Variants in AFG2A observed in about 807,000 individuals in gnomAD.
AFG2A encodes the protein ATPase family gene 2 protein homolog A.
chr4:123,262,552 G>C, the AFG2A span, among the ~76,000 whole-genome samples: 1 of 152,170 alleles, frequency 6.6e-6, no homozygotes, highest in Admixed American at 6.5e-5. Context: ...CTGAATATTT[G>C]ATAAAAGTTT....
the AFG2A span, among the ~76,000 whole-genome samples, chr4:123,013,123 GGTT>G: frequency 2.6e-5 from 4 of 152,108 alleles, no homozygotes; most frequent in African/African-American, 9.7e-5. Flanking sequence ...AGTCAAAGGG[GGTT>G]GTTCTCTGGC....
the AFG2A span, among the ~76,000 whole-genome samples, chr4:123,137,546 G>A: frequency 6.6e-6 from 1 of 152,116 alleles, no homozygotes; most frequent in African/African-American, 2.4e-5. Flanking sequence ...TGGTGATCAC[G>A]TGGTCTCATT....
At chr4:123,107,713 T>G in the AFG2A span, among the ~76,000 whole-genome samples, 1 of 152,346 alleles carries the variant, frequency 6.6e-6, no homozygotes, top group African/African-American at 2.4e-5. Flanking sequence ...AAGGAGTGCC[T>G]GAAGCCCTAT....
At chr4:123,192,109 C>T in the AFG2A span, among the ~76,000 whole-genome samples, 2 of 151,896 alleles carry the variant, frequency 1.3e-5, no homozygotes, top group African/African-American at 4.8e-5. Flanking sequence ...TCACTGCAAC[C>T]TCCGCCTCCT....
chr4:122,947,422 C>A, the AFG2A span: 1 of 1,614,080 alleles, frequency 6.2e-7, no homozygotes, highest in African/African-American at 1.3e-5. Context: ...GGCTGAGCTG[C>A]TGCAGCTGGC....
the AFG2A span, among the ~76,000 whole-genome samples, chr4:123,161,188 A>T: frequency 1.3e-5 from 2 of 152,076 alleles, no homozygotes; most frequent in African/African-American, 4.8e-5. Flanking sequence ...ATTTTTTTTG[A>T]TTGATTAGAT....
chr4:123,166,191 T>C, the AFG2A span, among the ~76,000 whole-genome samples: 2 of 152,108 alleles, frequency 1.3e-5, no homozygotes, highest in Admixed American at 1.3e-4. Context: ...AACATTTGAG[T>C]CACTGGGCTG....
chr4:123,212,314 A>C, the AFG2A span, among the ~76,000 whole-genome samples: 2 of 151,378 alleles, frequency 1.3e-5, no homozygotes, highest in Non-Finnish European at 2.9e-5. Flanking sequence ...TGAACGTGAA[A>C]CCTTCTACCT....
chr4:123,036,076 A>C, the AFG2A span, among the ~76,000 whole-genome samples: 1 of 152,314 alleles, frequency 6.6e-6, no homozygotes, highest in East Asian at 1.9e-4. Context: ...TTTTAAAAAT[A>C]TTTGTAAAAG....
chr4:123,074,911 A>G, the AFG2A span, among the ~76,000 whole-genome samples: 1 of 152,142 alleles, frequency 6.6e-6, no homozygotes, highest in Admixed American at 6.6e-5. Flanking sequence ...TGTTGATAAC[A>G]TGGTATTTTG....
the AFG2A span, among the ~76,000 whole-genome samples, chr4:123,033,221 G>A: frequency 6.6e-6 from 1 of 152,144 alleles, no homozygotes; most frequent in Non-Finnish European, 1.5e-5. Flanking sequence ...ATTTTAAGAA[G>A]GTTAAGTGAC....
chr4:123,125,445 C>T, the AFG2A span, among the ~76,000 whole-genome samples: 1 of 152,062 alleles, frequency 6.6e-6, no homozygotes, highest in African/African-American at 2.4e-5. Flanking sequence ...CATTTTTTGC[C>T]TAAAGTTAAT....
At chr4:122,961,315 T>C in the AFG2A span, among the ~76,000 whole-genome samples, 3 of 152,228 alleles carry the variant, frequency 2.0e-5, no homozygotes, top group Admixed American at 6.5e-5. Context: ...AGAAGCTTGT[T>C]TGGATTTTGG....
the AFG2A span, among the ~76,000 whole-genome samples, chr4:122,997,514 T>C: frequency 6.6e-6 from 1 of 152,224 alleles, no homozygotes; most frequent in East Asian, 1.9e-4. Context: ...TGTGTTGATA[T>C]AGCCCATTTG....
chr4:123,289,670 A>G, the AFG2A span, among the ~76,000 whole-genome samples: 1 of 152,122 alleles, frequency 6.6e-6, no homozygotes, highest in Non-Finnish European at 1.5e-5. Context: ...ATCCTCATCA[A>G]CATCTGTTGT....
chr4:123,073,116 C>T, the AFG2A span, among the ~76,000 whole-genome samples: 1 of 151,720 alleles, frequency 6.6e-6, no homozygotes, highest in Non-Finnish European at 1.5e-5. Flanking sequence ...TATTAATTAT[C>T]ATAACCATGC....
At chr4:123,058,590 A>C in the AFG2A span, among the ~76,000 whole-genome samples, 16 of 152,190 alleles carry the variant, frequency 1.1e-4, no homozygotes, top group African/African-American at 3.9e-4. Flanking sequence ...GCTCCATCGC[A>C]CTCCACCCTG....
At chr4:123,076,975 T>G in the AFG2A span, among the ~76,000 whole-genome samples, 1 of 126,496 alleles carries the variant, frequency 7.9e-6, no homozygotes, top group Non-Finnish European at 1.8e-5. Context: ...TGTGTGTGTG[T>G]GGTGGTGGTG....
chr4:123,156,620 T>A, the AFG2A span, among the ~76,000 whole-genome samples: 1 of 152,166 alleles, frequency 6.6e-6, no homozygotes, highest in African/African-American at 2.4e-5. Context: ...CAGCTGGTAT[T>A]GTTTACAACA....
Sources: gnomAD v4.1 joint callset for allele counts (sites outside exome capture counted in the v4.1 genomes callset) on GRCh38, gnomAD v4.1.1 for gene constraint, MANE v1.5 for transcripts, NCBI Gene and HGNC (gene_info 2026-07-23, HGNC 2026-07-21) for gene names.